Variants in SNX29 observed in about 807,000 individuals in gnomAD.
The protein encoded by SNX29 is sorting nexin-29.
In SNX29, 78 loss-of-function variants were observed where a neutral mutation model predicts 102.1. The observed-to-expected ratio is 0.76, with a 90% CI of 0.64 to 0.92. The LOEUF (loss-of-function observed/expected upper bound fraction) is 0.92. Ranked by LOEUF, SNX29 falls within the 40% of genes least tolerant of loss-of-function variation. SNX29 has a pLI of 0.00. For missense variants in SNX29, 1,280 were observed against 1,061.7 expected (o/e 1.21, Z -2.86); for synonymous variants, 580 against 414.5 (o/e 1.40, Z -4.85).
At chr16:12,139,184 G>T (rs2054773839) in intron 13 of SNX29, among the ~76,000 whole-genome samples, 1 of 112,000 alleles carries the variant, frequency 8.9e-6, no homozygotes, top group South Asian at 3.4e-4. Context: ...GGGCGATAGA[G>T]CGAGACTCTA....
intron 14 of SNX29, among the ~76,000 whole-genome samples, chr16:12,235,102 T>C (rs1223168133): frequency 6.6e-6 from 1 of 152,212 alleles, no homozygotes; most frequent in Non-Finnish European, 1.5e-5. Flanking sequence ...GTGTCTTTTT[T>C]TTCATTTTTC....
At chr16:12,255,724 G>A (rs1364974439) in intron 14 of SNX29, among the ~76,000 whole-genome samples, 2 of 152,102 alleles carry the variant, frequency 1.3e-5, no homozygotes, top group Admixed American at 1.3e-4. Flanking sequence ...TCTTTTTTAA[G>A]GCTGAGTAGC....
chr16:12,191,686 C>G (rs1485922291), intron 13 of SNX29, among the ~76,000 whole-genome samples: 1 of 152,178 alleles, frequency 6.6e-6, no homozygotes. Flanking sequence ...AGAGACTTAA[C>G]AGGAATATGT....
Position 12,477,956 on chromosome 16 carries a change from C to T in SNX29, c.2178+97C>T, listed in dbSNP as rs533236012. The T allele has an allele frequency of 1.4e-5, 20 of 1,379,440 alleles. No individual in the cohort carries two copies. The East Asian group carries it at 4.4e-4, about 30-fold the overall frequency. The allele number at this position is 1,379,440 out of a possible 1,614,324, so 85.5% of individuals were successfully genotyped here. A position where few individuals can be genotyped will look rare whatever the true frequency, so the allele number is the denominator to read the frequency against. On this transcript the variant is annotated intron_variant, in intron 19 of 20. Transcript: ENST00000566228. ...GTCCGTTGCTTAAAAACACATGCTCCTTAAAGAAAAGTTGGTGGAGATAAG... is the reference window on the plus strand; with the variant it reads ...GTCCGTTGCTTAAAAACACATGCTCTTTAAAGAAAAGTTGGTGGAGATAAG...
chr16:12,041,150 C>T (rs142830916), intron 4 of SNX29, among the ~76,000 whole-genome samples: 313 of 151,996 alleles, frequency 2.1e-3, no homozygotes, highest in African/African-American at 7.3e-3. Context: ...TTTGCTCTGT[C>T]GCCCAGGCTG....
intron 13 of SNX29, among the ~76,000 whole-genome samples, chr16:12,146,922 T>A (rs1377835342): frequency 6.6e-6 from 1 of 152,190 alleles, no homozygotes; most frequent in Non-Finnish European, 1.5e-5. Flanking sequence ...GATAGTTTTT[T>A]AAAATATAAA....
intron 20 of SNX29, among the ~76,000 whole-genome samples, chr16:12,539,906 T>G (rs79957734): frequency 6.6e-6 from 1 of 152,210 alleles, no homozygotes; most frequent in Non-Finnish European, 1.5e-5. Flanking sequence ...TTACAAAGAT[T>G]TGAGTTTTGG....
In SNX29 at chr16:11,976,768, C is replaced by T. The variant is rs952898537; in HGVS notation, c.-39C>T. On this transcript the variant is annotated 5_prime_UTR_variant, in exon 1 of 21. Transcript: ENST00000566228. ...TCGGCAGCCGCAGAAGCGGCAGCGG[C>T]GGCGGCGCGGCGCAGGCACCGGCCC... 2 of 1,302,610 alleles carry T rather than the reference C, an allele frequency of 1.5e-6. No homozygotes were observed. The highest frequency in any genetic ancestry group is 1.5e-5 in the African/African-American group (1 of 64,754). 80.7% of individuals were successfully genotyped at this position (1,302,610 alleles called of 1,614,324 possible).
At position 12,565,712 on chromosome 16, in the gene SNX29, G is replaced by A. The variant is rs554015091; in HGVS notation, c.2319-2794G>A. Among the ~76,000 whole-genome samples, 212 of 152,314 alleles carry A rather than the reference G, an allele frequency of 1.4e-3. 4 individuals are homozygous for A. The highest frequency in any genetic ancestry group is 0.01 in the Middle Eastern group (3 of 294). Reference sequence around the variant, plus strand: ...TCCAGGAAGGGGAAGCAGCTGGGCCGGGTCTGCCCGGCTACAAGTCCACCC... The same window carrying A: ...TCCAGGAAGGGGAAGCAGCTGGGCCAGGTCTGCCCGGCTACAAGTCCACCC... On this transcript the variant is annotated intron_variant, in intron 20 of 20. Transcript: ENST00000566228.
At chr16:12,535,884 C>A (rs901162926) in intron 20 of SNX29, among the ~76,000 whole-genome samples, 14 of 152,164 alleles carry the variant, frequency 9.2e-5, no homozygotes, top group Non-Finnish European at 1.5e-4. Flanking sequence ...AGGTCCTACC[C>A]ATCTCCCCTT....
intron 15 of SNX29, among the ~76,000 whole-genome samples, chr16:12,296,460 A>C (rs1227544553): frequency 6.6e-6 from 1 of 152,212 alleles, no homozygotes; most frequent in Admixed American, 6.5e-5. Context: ...ACATGTCTTG[A>C]TCATTACTAG....
At chr16:12,381,204 T>C (rs1394957648) in intron 16 of SNX29, among the ~76,000 whole-genome samples, 8 of 9,260 alleles carry the variant, frequency 8.6e-4, no homozygotes, top group South Asian at 5.7e-3. Flanking sequence ...CCGACCCACC[T>C]ACCATCCACC....
intron 16 of SNX29, among the ~76,000 whole-genome samples, chr16:12,394,206 C>G (rs2151479560): frequency 6.6e-6 from 1 of 152,308 alleles, no homozygotes; most frequent in African/African-American, 2.4e-5. Context: ...GCTATTGAGT[C>G]CTTTCAGATT....
intron 18 of SNX29, among the ~76,000 whole-genome samples, chr16:12,472,650 C>T (rs544391106): frequency 1.1e-3 from 165 of 151,924 alleles, no homozygotes; most frequent in Middle Eastern, 3.4e-3. Flanking sequence ...CATAGGAACA[C>T]TCTGGTAGAC....
intron 10 of SNX29, among the ~76,000 whole-genome samples, chr16:12,075,696 C>A (rs1245550804): frequency 6.6e-6 from 1 of 152,240 alleles, no homozygotes; most frequent in Non-Finnish European, 1.5e-5. Flanking sequence ...CTCCTCAAAG[C>A]TGTCAGACAG....
Position 12,548,039 on chromosome 16 carries a change from C to T in SNX29, c.2319-20467C>T, listed in dbSNP as rs142822551. On this transcript the variant is annotated intron_variant, in intron 20 of 20. Transcript: ENST00000566228. ...TTTTGCACTGCTCATATTGGTAAGGCAAGCACCACCCCTGGCACACACACG... is the reference window on the plus strand; with the variant it reads ...TTTTGCACTGCTCATATTGGTAAGGTAAGCACCACCCCTGGCACACACACG... 9.8e-3 allele frequency among the ~76,000 whole-genome samples: 1,499 copies of T among 152,232 alleles called. 14 individuals carry two copies. Among genetic ancestry groups the T allele is most frequent in the Middle Eastern group, 0.02 (6 of 294 alleles).
At chr16:12,498,556 A>G (rs1296991995) in intron 19 of SNX29, among the ~76,000 whole-genome samples, 2 of 152,298 alleles carry the variant, frequency 1.3e-5, no homozygotes, top group South Asian at 2.1e-4. Context: ...AGCACCTACT[A>G]TGTGCCAGCC....
At chr16:12,025,785 C>A (rs1009493106) in intron 3 of SNX29, among the ~76,000 whole-genome samples, 1 of 152,082 alleles carries the variant, frequency 6.6e-6, no homozygotes, top group African/African-American at 2.4e-5. Context: ...AGTAAGGTAG[C>A]CAGAGGACTT....
chr16:12,183,497 T>G (rs917060771), intron 13 of SNX29, among the ~76,000 whole-genome samples: 2 of 152,156 alleles, frequency 1.3e-5, no homozygotes, highest in Admixed American at 1.3e-4. Flanking sequence ...TGTATAGATA[T>G]GTATGTGTGT....
Sources: allele counts gnomAD v4.1 joint callset (sites outside exome capture counted in the v4.1 genomes callset), GRCh38; gene constraint gnomAD v4.1.1; transcripts MANE v1.5; gene names NCBI Gene and HGNC (gene_info 2026-07-23, HGNC 2026-07-21).